Variants in RNF31 observed in about 807,000 individuals in gnomAD.
RNF31 encodes the protein E3 ubiquitin-protein ligase RNF31.
RNF31 carries 38 observed loss-of-function variants against 133.6 expected under a neutral mutation model. The observed-to-expected ratio is 0.28, with a 90% CI of 0.22 to 0.37. The LOEUF (loss-of-function observed/expected upper bound fraction) is 0.37, where lower values mean the gene tolerates loss of function less well. RNF31 is among the 10% of genes least tolerant of loss of function. RNF31 has a pLI of 1.00. For missense variants in RNF31, 1,118 were observed against 1,394.1 expected (o/e 0.80, Z 3.15); for synonymous variants, 582 against 552.3 (o/e 1.05, Z -0.75).
chr14:24,149,196 C>T (rs2038225912), intron 5 of RNF31: 5 of 606,820 alleles, frequency 8.2e-6, no homozygotes, highest in Non-Finnish European at 1.4e-5. Flanking sequence ...CTCCTGACCT[C>T]AAGTGATCCA....
Position 24,160,266 on chromosome 14 carries a change from C to A in RNF31, c.3024C>A (p.Ser1008Arg), listed in dbSNP as rs1196183405. The A allele has an allele frequency of 6.2e-6, 10 of 1,613,948 alleles. No individual in the cohort carries two copies. In the Middle Eastern group the frequency reaches 1.6e-3, roughly 266 times the overall value. Residue 1008 changes from serine (S) to arginine (R), a missense_variant, in exon 20 of 21, where the codon AGC (serine) becomes AGA (arginine). Coordinates refer to ENST00000324103, the MANE Select transcript of RNF31 (RefSeq NM_017999.5). This position sits in a 1 kb window ranked among gnomAD's most constrained non-coding sequence, Gnocchi z 4.0. ...CACACTACAAAGAGTATCTTGTGAGCCTCATCAATGCCCACTCGCTGGACC... is the reference window on the plus strand; with the variant it reads ...CACACTACAAAGAGTATCTTGTGAGACTCATCAATGCCCACTCGCTGGACC... ...CQAHYKEYLV[S>R]LINAHSLDPA...
Position 24,157,655 on chromosome 14 carries a change from G to A in RNF31, c.2727+17G>A, listed in dbSNP as rs1384392127. 1.9e-6 allele frequency: 3 copies of A among 1,607,830 alleles called. No homozygotes were observed. Among genetic ancestry groups the A allele is most frequent in the Non-Finnish European group, 2.6e-6 (3 of 1,174,258 alleles). On this transcript the variant is annotated intron_variant, in intron 16 of 20. Coordinates refer to ENST00000324103, the MANE Select transcript of RNF31 (RefSeq NM_017999.5). The stretch of plus-strand genomic sequence containing the variant: ...GCCAAGAATGTAAGCCCAGAGAGTT[G>A]GGGAAGGGGTGGAAGGGTGGGGGGT...
rs775779360 is a variant in RNF31, at chr14:24,150,121, C to G, written c.870C>G (p.Ser290Arg). The G allele has an allele frequency of 6.2e-7, 1 of 1,609,000 alleles. No individual in the cohort carries two copies. Among genetic ancestry groups the G allele is most frequent in the Non-Finnish European group, 8.5e-7 (1 of 1,176,028 alleles). Residue 290 changes from serine to arginine, a missense_variant, in exon 7 of 21, where the codon AGC (serine) becomes AGG (arginine). Around this residue, in one of 3 missense-constraint regions of RNF31, gnomAD observed 747 missense variants for 827.9 expected, o/e 0.90. Transcript: ENST00000324103. ...CCTCCCTGCTGGCCCTGGGAGACAG[C>G]TCTCTTTCTTCCCCTAATCCTGCAA... is the stretch of plus-strand genomic sequence containing the variant. ...QSTSLLALGD[S>R]SLSSPNPASA...
Position 24,148,873 on chromosome 14 carries a change from C to A in RNF31, c.628C>A (p.Pro210Thr). The change falls in exon 5 of 21, where the codon CCA becomes ACA. Residue 210 changes from proline (P) to threonine (T), a missense_variant. Physicochemically the swap from Pro to Thr is conservative, Grantham distance 38. Transcript: ENST00000324103. The stretch of plus-strand genomic sequence containing the variant: ...TGGCCCCCTCACCACACCCTCTGTC[C>A]CAGGTATTATTGGTCCTAAATTGGG... ...APGPLTTPSVPGSTPGPCFLC... is the reference protein window; with the variant it reads ...APGPLTTPSVTGSTPGPCFLC... 6.2e-7 allele frequency: 1 copy of A among 1,613,714 alleles called. No homozygotes were observed. Among genetic ancestry groups the A allele is most frequent in the Non-Finnish European group, 8.5e-7 (1 of 1,179,652 alleles).
intron 3 of RNF31, 101 bp from the exon 4 acceptor site, chr14:24,148,541 G>A (rs1201427166): frequency 6.3e-7 from 1 of 1,582,970 alleles, no homozygotes; most frequent in Admixed American, 1.7e-5. Flanking sequence ...GGAGCTCCGG[G>A]TACTGATTTT....
At position 24,160,068 on chromosome 14, in the gene RNF31, TGGGA is replaced by T; in HGVS notation, c.2996+115_2996+118del. ...TGGGAGCAGTAGGTCTTGCAGTGGG[TGGGA>T]GGGAGGAGGCTTTCTGGGCAAGGGC... On this transcript the variant is annotated intron_variant, in intron 19 of 20. Transcript: ENST00000324103. This position sits in a 1 kb window ranked among gnomAD's most constrained non-coding sequence, Gnocchi z 4.0. 1 of 1,331,326 alleles carries T rather than the reference TGGGA, an allele frequency of 7.5e-7. No individual in the cohort carries two copies. The highest frequency in any genetic ancestry group is 1.0e-6 in the Non-Finnish European group (1 of 952,424). 82.5% of individuals were successfully genotyped at this position (1,331,326 alleles called of 1,614,324 possible). A position where few individuals can be genotyped will look rare whatever the true frequency, so the allele number is the denominator to read the frequency against.
At chr14:24,149,650 A>C (rs743272) in intron 6 of RNF31, 67 bp downstream of exon 6, 2 of 1,476,030 alleles carry the variant, frequency 1.4e-6, no homozygotes, top group East Asian at 2.3e-5. Flanking sequence ...ATTATGGACT[A>C]CCTGCCAGTT....
chr14:24,156,199 C>T lies in RNF31; in HGVS notation c.2493+507C>T, dbSNP rs138105110. Among the ~76,000 whole-genome samples the T allele has an allele frequency of 2.0e-3, 304 of 152,320 alleles. 1 individual carries two copies. Among genetic ancestry groups the T allele is most frequent in the African/African-American group, 6.5e-3 (269 of 41,562 alleles). ...GGAATGGCAGGTGGTCAGAGAGAAGCCAGCTGCCAGGTCTGTAGAGCCCTG... is the reference window on the plus strand; with the variant it reads ...GGAATGGCAGGTGGTCAGAGAGAAGTCAGCTGCCAGGTCTGTAGAGCCCTG... On this transcript the variant is annotated intron_variant, in intron 14 of 20. Transcript: ENST00000324103.
intron 11 of RNF31, chr14:24,154,893 G>A (rs2038319171): frequency 2.0e-6 from 1 of 503,846 alleles, no homozygotes; most frequent in African/African-American, 1.9e-5. Context: ...TTTCAAGCAT[G>A]TTATTTGTAT....
chr14:24,158,118 C>T (rs941127475), intron 17 of RNF31, 24 bp from the exon 18 acceptor site: 3 of 1,613,916 alleles, frequency 1.9e-6, no homozygotes, highest in African/African-American at 1.3e-5. Context: ...GGGAATGTAA[C>T]ACCCATCTGT....
rs748711534 is a variant in RNF31, at chr14:24,150,604, G to C, written c.1204G>C (p.Asp402His). 5 of 1,606,892 alleles carry C rather than the reference G, an allele frequency of 3.1e-6. No individual in the cohort carries two copies. The highest frequency in any genetic ancestry group is 4.3e-6 in the Non-Finnish European group (5 of 1,174,060). The change falls in exon 8 of 21, where the codon GAT (aspartate) becomes CAT (histidine). Residue 402 changes from aspartate (D) to histidine (H), a missense_variant. Physicochemically the swap from Asp to His is moderately conservative, Grantham distance 81. This residue lies in a region of RNF31 where 747 missense variants were observed against 827.9 expected (regional missense o/e 0.90). Coordinates refer to ENST00000324103, the MANE Select transcript of RNF31 (RefSeq NM_017999.5). ...GICLQPLQQG[D>H]ALLASAQSQV... ...ATTCTCTCTGCCTTCCCAGCAGGGG[G>C]ATGCTTTGCTGGCCTCTGCCCAGAG...
chr14:24,147,670 G>A lies in RNF31; in HGVS notation c.-29G>A. 7.2e-7 allele frequency: 1 copy of A among 1,383,492 alleles called. No individual in the cohort carries two copies. Among genetic ancestry groups the A allele is most frequent in the Admixed American group, 3.7e-5 (1 of 27,208 alleles). 85.7% of individuals were successfully genotyped at this position (1,383,492 alleles called of 1,614,324 possible). A position where few individuals can be genotyped will look rare whatever the true frequency, so the allele number is the denominator to read the frequency against. On this transcript the variant is annotated 5_prime_UTR_variant, in exon 1 of 21. Coordinates refer to ENST00000324103, the MANE Select transcript of RNF31 (RefSeq NM_017999.5). Reference sequence around the variant, plus strand: ...TGCCCGCGCCGGGTCCTGGCGGGCGGCGAGGCTGGGGCTGACTCCTGCCTC... The same window carrying A: ...TGCCCGCGCCGGGTCCTGGCGGGCGACGAGGCTGGGGCTGACTCCTGCCTC...
rs1439036045 is a variant in RNF31 at position 24,155,702 on chromosome 14, A to G, written c.2493+10A>G. On this transcript the variant is annotated intron_variant, in intron 14 of 20. Coordinates refer to ENST00000324103, the MANE Select transcript of RNF31 (RefSeq NM_017999.5). This position sits in a 1 kb window ranked among gnomAD's most constrained non-coding sequence, Gnocchi z 4.9. ...GCGCTGCAAGCGCCAGGTGAGGCAC[A>G]TTCATCCTTTCAGAAATACTTGCTG... 8 of 1,612,278 alleles carry G rather than the reference A, an allele frequency of 5.0e-6. No individual in the cohort carries two copies. The highest frequency in any genetic ancestry group is 1.7e-4 in the Middle Eastern group (1 of 6,058).
chr14:24,150,111 T>C lies in RNF31; in HGVS notation c.860T>C (p.Leu287Pro), dbSNP rs2038240275. ...CCCCAGTCGACCTCCCTGCTGGCCC[T>C]GGGAGACAGCTCTCTTTCTTCCCCT... ...PRPQSTSLLA[L>P]GDSSLSSPNP... The change falls in exon 7 of 21, where the codon CTG (leucine) becomes CCG (proline). Residue 287 changes from leucine (L) to proline (P), a missense_variant. Physicochemically the swap from Leu to Pro is moderately conservative, Grantham distance 98. This residue lies in a region of RNF31 where 747 missense variants were observed against 827.9 expected (regional missense o/e 0.90). Coordinates refer to ENST00000324103, the MANE Select transcript of RNF31 (RefSeq NM_017999.5). The C allele has an allele frequency of 1.2e-6, 2 of 1,604,914 alleles. No individual in the cohort carries two copies. The highest frequency in any genetic ancestry group is 1.7e-6 in the Non-Finnish European group (2 of 1,173,122).
chr14:24,153,529 A>T (rs375259560), intron 11 of RNF31, among the ~76,000 whole-genome samples: 141 of 152,076 alleles, frequency 9.3e-4, no homozygotes, highest in African/African-American at 3.4e-3. Flanking sequence ...GTGAGCCAAG[A>T]TCGTGCCACC....
In RNF31 at chr14:24,151,151, C is replaced by G; in HGVS notation, c.1509C>G (p.Ala503=). Residue 503 remains alanine (A), a synonymous_variant, in exon 9 of 21, where the codon GCC becomes GCG. Coordinates refer to ENST00000324103, the MANE Select transcript of RNF31 (RefSeq NM_017999.5). The surrounding 1 kb of genome is among the most constrained non-coding windows in gnomAD (Gnocchi z 5.3). The part of the protein sequence containing the change: ...SMIREGEAAG[A]CPEEIFSALQ... ...CTTAGGAAGGGGAAGCCGCAGGTGC[C>G]TGTCCAGAGGAGATCTTCTCGGCTC... 6.2e-7 allele frequency: 1 copy of G among 1,614,108 alleles called. No individual in the cohort carries two copies. The highest frequency in any genetic ancestry group is 8.5e-7 in the Non-Finnish European group (1 of 1,180,018).
intron 2 of RNF31, 37 bp from the exon 3 acceptor site, chr14:24,148,221 A>C: frequency 6.2e-7 from 1 of 1,613,828 alleles, no homozygotes; most frequent in Non-Finnish European, 8.5e-7. Context: ...CTAGGCAGGA[A>C]ACCTCCTGGG....
chr14:24,157,532 G>C lies in RNF31; in HGVS notation c.2621G>C (p.Cys874Ser). 6.2e-7 allele frequency: 1 copy of C among 1,614,172 alleles called. No homozygotes were observed. Among genetic ancestry groups the C allele is most frequent in the Non-Finnish European group, 8.5e-7 (1 of 1,180,004 alleles). The change falls in exon 16 of 21, where the codon TGC becomes TCC. Residue 874 changes from cysteine (C) to serine (S), a missense_variant. Cys to Ser is a moderately radical substitution (Grantham distance 112, BLOSUM62 -1). Transcript: ENST00000324103. ...TTGTCCTTTGCAGACTGCCCCAAAT[G>C]CAAGTTCTCGTACGCCCTGGCCCGA... ...LQENGIDCPK[C>S]KFSYALARGG...
At chr14:24,150,503 A>G (rs1389905556) in intron 7 of RNF31, 55 bp downstream of exon 7, 4 of 1,577,784 alleles carry the variant, frequency 2.5e-6, no homozygotes, top group African/African-American at 1.3e-5. Flanking sequence ...TCTCTTCCCT[A>G]TCCCATGTTT....
Sources: gnomAD v4.1 joint callset for allele counts (sites outside exome capture counted in the v4.1 genomes callset) on GRCh38, gnomAD v4.1.1 for gene constraint, gnomAD v4.1.1 regional missense constraint, Gnocchi (gnomAD v3.1) non-coding constraint, MANE v1.5 for transcripts, NCBI Gene and HGNC (gene_info 2026-07-23, HGNC 2026-07-21) for gene names.